Variants in ADCY9 observed in about 807,000 individuals in gnomAD.
The protein encoded by ADCY9 is adenylate cyclase 9.
In ADCY9, 50 loss-of-function variants were observed where a neutral mutation model predicts 101.5. The ratio of observed to expected loss-of-function variants is 0.49; its 90% confidence interval spans 0.39 to 0.62. ADCY9 has a LOEUF of 0.62. Among genes scored for constraint, ADCY9 ranks in the 20% least tolerant of loss-of-function variants. The pLI is 0.00. For synonymous variants in ADCY9, 905 were observed against 769.3 expected, an observed-to-expected ratio of 1.18 and a Z score of -2.92; for missense variants, 1,662 against 1,800.4, an observed-to-expected ratio of 0.92 and a Z score of 1.39.
intron 10 of ADCY9, among the ~76,000 whole-genome samples, chr16:3,969,614 T>TATATGCGTA (rs1567414929): frequency 5.9e-5 from 3 of 50,716 alleles, no homozygotes; most frequent in Non-Finnish European, 1.1e-4. Flanking sequence ...ATATATGTAT[T>TATATGCGTA]TTTTTTTTTT....
At chr16:3,969,871 C>T (rs1172536814) in intron 10 of ADCY9, among the ~76,000 whole-genome samples, 2 of 151,272 alleles carry the variant, frequency 1.3e-5, no homozygotes, top group Non-Finnish European at 2.9e-5. Flanking sequence ...CTTCTGCCTC[C>T]CCAGTGTGCT....
intron 2 of ADCY9, among the ~76,000 whole-genome samples, chr16:4,021,322 T>C (rs2056475171): frequency 6.6e-6 from 1 of 152,172 alleles, no homozygotes; most frequent in Admixed American, 6.5e-5. Flanking sequence ...CAGCAGGTGT[T>C]TCAGGAAAGG....
chr16:4,067,899 A>G (rs1439372855), intron 2 of ADCY9, among the ~76,000 whole-genome samples: 1 of 152,190 alleles, frequency 6.6e-6, no homozygotes, highest in Admixed American at 6.5e-5. Context: ...AACTAACTCT[A>G]TGTTGCACTT....
chr16:3,982,148 C>G (rs576182326), intron 7 of ADCY9: 2 of 152,748 alleles, frequency 1.3e-5, no homozygotes, highest in South Asian at 4.1e-4. Context: ...ACGCCACAGA[C>G]AGCATGGCCC....
chr16:4,087,224 G>A lies in ADCY9; in HGVS notation c.1693+26526C>T, dbSNP rs188445643. Among the ~76,000 whole-genome samples, 112 of 151,946 alleles carry A rather than the reference G, an allele frequency of 7.4e-4. 1 individual carries two copies. Among genetic ancestry groups the A allele is most frequent in the Admixed American group, 1.8e-3 (28 of 15,266 alleles). On this transcript the variant is annotated intron_variant, in intron 2 of 10. Coordinates refer to ENST00000294016, the MANE Select transcript of ADCY9 (RefSeq NM_001116.4). ...TTTTGTATGGAGATTCGTTTGTTCTGTAACATCTCCTTCTTTAAGAACAAG... is the reference window on the plus strand; with the variant it reads ...TTTTGTATGGAGATTCGTTTGTTCTATAACATCTCCTTCTTTAAGAACAAG...
intron 2 of ADCY9, among the ~76,000 whole-genome samples, chr16:4,092,650 C>T (rs1440721541): frequency 1.3e-5 from 2 of 152,116 alleles, no homozygotes; most frequent in Non-Finnish European, 2.9e-5. Context: ...CTTTCTCCTC[C>T]TCCCCCTTAA....
intron 2 of ADCY9, among the ~76,000 whole-genome samples, chr16:4,049,063 G>C (rs2056684093): frequency 6.7e-6 from 1 of 149,174 alleles, no homozygotes; most frequent in South Asian, 2.1e-4. Context: ...AGAAGGCTGG[G>C]GCAGCAAAGG....
chr16:4,068,420 T>C (rs1331798005), intron 2 of ADCY9, among the ~76,000 whole-genome samples: 1 of 152,140 alleles, frequency 6.6e-6, no homozygotes, highest in African/African-American at 2.4e-5. Flanking sequence ...TATCCTTCAA[T>C]GCATGTATTA....
chr16:4,086,902 C>T (rs1302732776), intron 2 of ADCY9, among the ~76,000 whole-genome samples: 1 of 151,984 alleles, frequency 6.6e-6, no homozygotes, highest in Non-Finnish European at 1.5e-5. Context: ...TCAGGTGATC[C>T]GCCCACCTAG....
intron 2 of ADCY9, among the ~76,000 whole-genome samples, chr16:4,112,489 T>C (rs566364518): frequency 2.0e-5 from 3 of 152,068 alleles, no homozygotes; most frequent in African/African-American, 4.8e-5. Flanking sequence ...ACTGGACACA[T>C]AGGATGATCT....
chr16:4,093,368 G>C (rs2056984745), intron 2 of ADCY9, among the ~76,000 whole-genome samples: 1 of 152,162 alleles, frequency 6.6e-6, no homozygotes, highest in African/African-American at 2.4e-5. Flanking sequence ...AGCAGGCCTA[G>C]AAAAGAGGCT....
chr16:3,960,248 G>A (rs2055930611), downstream of ADCY9, among the ~76,000 whole-genome samples: 1 of 151,910 alleles, frequency 6.6e-6, no homozygotes, highest in Non-Finnish European at 1.5e-5. Flanking sequence ...GGCCGGGCAC[G>A]GTGGCTCACT....
chr16:3,993,330 G>T (rs767999499), intron 4 of ADCY9, 76 bp downstream of exon 4: 3 of 1,586,130 alleles, frequency 1.9e-6, no homozygotes, highest in Non-Finnish European at 1.7e-6. Flanking sequence ...CTAAGAAGTC[G>T]ACAAGACAGG....
intron 3 of ADCY9, among the ~76,000 whole-genome samples, chr16:4,002,662 C>T (rs2056338989): frequency 6.6e-6 from 1 of 152,222 alleles, no homozygotes; most frequent in Admixed American, 6.5e-5. Flanking sequence ...GATGCTTTCA[C>T]AGCTCAAATG....
At chr16:3,970,835 A>G (rs2056044849) in intron 10 of ADCY9, among the ~76,000 whole-genome samples, 1 of 152,106 alleles carries the variant, frequency 6.6e-6, no homozygotes, top group Non-Finnish European at 1.5e-5. Context: ...AAGCCATGCC[A>G]TCTTTCTGGG....
rs377300070 is a variant in ADCY9 at position 4,114,824 on chromosome 16, G to T, written c.619C>A (p.Leu207Ile). Residue 207 changes from leucine to isoleucine, a missense_variant, in exon 2 of 11, where the codon CTT becomes ATT. Physicochemically the swap from Leu to Ile is conservative, Grantham distance 5 (BLOSUM62 2). This residue lies in a region of ADCY9 where 422 missense variants were observed against 392.0 expected (regional missense o/e 1.08). Coordinates refer to ENST00000294016, the MANE Select transcript of ADCY9 (RefSeq NM_001116.4). The surrounding 1 kb of genome is among the most constrained non-coding windows in gnomAD (Gnocchi z 4.3). ...PVSGRGDSSN[L>I]TATARPTDTC... ...TCTGTGGGCCGGGCTGTGGCCGTAA[G>T]GTTGGAGCTGTCGCCGCGTCCTGAG... 1.2e-6 allele frequency: 2 copies of T among 1,613,394 alleles called. No individual in the cohort carries two copies. The highest frequency in any genetic ancestry group is 2.7e-5 in the African/African-American group (2 of 74,960).
At chr16:3,984,550 G>A (rs879620720) in intron 6 of ADCY9, among the ~76,000 whole-genome samples, 5 of 152,124 alleles carry the variant, frequency 3.3e-5, no homozygotes, top group Non-Finnish European at 5.9e-5. Flanking sequence ...GTACAGATTG[G>A]GAGGCCAAGG....
intron 6 of ADCY9, among the ~76,000 whole-genome samples, chr16:3,988,565 C>G (rs1161819056): frequency 2.2e-5 from 2 of 90,568 alleles, no homozygotes; most frequent in African/African-American, 9.0e-5. Flanking sequence ...GGGTTCCTTT[C>G]CAGGGCAGGT....
intron 5 of ADCY9, among the ~76,000 whole-genome samples, chr16:3,954,394 G>A (rs2055896814): frequency 6.6e-6 from 1 of 152,208 alleles, no homozygotes; most frequent in Non-Finnish European, 1.5e-5. Context: ...AGCCTGGCGT[G>A]CTGCTGCTGG....
Sources: allele counts gnomAD v4.1 joint callset (sites outside exome capture counted in the v4.1 genomes callset), GRCh38; gene constraint gnomAD v4.1.1; regional missense constraint gnomAD v4.1.1; non-coding constraint Gnocchi (gnomAD v3.1); transcripts MANE v1.5; gene names NCBI Gene and HGNC (gene_info 2026-07-23, HGNC 2026-07-21).